The following RBM34 variants were observed in gnomAD, a reference collection of about 807,000 sequenced individuals.
The protein encoded by RBM34 is RNA-binding protein 34.
Under a neutral mutation model 44.6 loss-of-function variants are expected in RBM34, and 39 were observed. The observed-to-expected ratio is 0.87, with a 90% CI of 0.68 to 1.14. RBM34 has a LOEUF of 1.14. Ranked by LOEUF, RBM34 falls within the 50% of genes most tolerant of loss-of-function variation. The pLI is 0.00. For synonymous variants in RBM34, 194 were observed against 184.0 expected, an observed-to-expected ratio of 1.05 and a Z score of -0.44; for missense variants, 572 against 517.9, an observed-to-expected ratio of 1.10 and a Z score of -1.01.
chr1:235,138,564 C>A (rs1435861984), intron 6 of RBM34, among the ~76,000 whole-genome samples: 8 of 152,156 alleles, frequency 5.3e-5, no homozygotes, highest in African/African-American at 9.7e-5. Context: ...TAGAAGAGTG[C>A]ACAAACTACG....
In RBM34 at chr1:235,131,807, C is replaced by T. The variant is rs753823792; in HGVS notation, c.1199G>A (p.Ser400Asn). The change falls in exon 11 of 11, where the codon AGC becomes AAC. Residue 400 changes from serine (S) to asparagine (N), a missense_variant. Coordinates refer to ENST00000408888, the MANE Select transcript of RBM34 (RefSeq NM_015014.4). ...AACAGCTTTTTCTCCAATAAATAAG[C>T]TTTTAGGATGTCCTTCTGCAGTTTT... Reference protein sequence around the residue: ...TSKTAEGHPKSLFIGEKAVLL... With the variant: ...TSKTAEGHPKNLFIGEKAVLL... 2.5e-6 allele frequency: 4 copies of T among 1,613,960 alleles called. No homozygotes were observed. The African/African-American group carries it at 5.3e-5, about 22-fold the overall frequency.
chr1:235,156,970 T>A (rs1304425333), intron 3 of RBM34, among the ~76,000 whole-genome samples: 2 of 152,134 alleles, frequency 1.3e-5, no homozygotes, highest in East Asian at 1.9e-4. Flanking sequence ...CTATTACTCC[T>A]CCCCTGAGGA....
chr1:235,153,407 G>A (rs1177620616), intron 4 of RBM34, among the ~76,000 whole-genome samples: 1 of 151,056 alleles, frequency 6.6e-6, no homozygotes, highest in Non-Finnish European at 1.5e-5. Flanking sequence ...TTTCACATTG[G>A]TTTAAACCAG....
chr1:235,145,821 TGTC>T (rs1661876346), intron 6 of RBM34, among the ~76,000 whole-genome samples: 1 of 152,144 alleles, frequency 6.6e-6, no homozygotes, highest in Non-Finnish European at 1.5e-5. Context: ...GGGTCTTGCT[TGTC>T]GCTCAGGCTA....
At position 235,134,838 on chromosome 1, in the gene RBM34, G is replaced by A. The variant is rs188372786; in HGVS notation, c.1008+814C>T. On this transcript the variant is annotated intron_variant, in intron 10 of 10. Coordinates refer to ENST00000408888, the MANE Select transcript of RBM34 (RefSeq NM_015014.4). ...CGGCTCACCGCAACCTCTGCCTCCC[G>A]GGTTCAAGCGATTGTCCTGCCTCAG... 2.8e-3 allele frequency among the ~76,000 whole-genome samples: 410 copies of A among 148,904 alleles called. 6 individuals are homozygous for A. The highest frequency in any genetic ancestry group is 0.026 in the Admixed American group (381 of 14,908).
In RBM34 at chr1:235,132,002, A is replaced by C. The variant is rs778209543; in HGVS notation, c.1009-5T>G. 1 of 1,574,860 alleles carries C rather than the reference A, an allele frequency of 6.3e-7. No individual in the cohort carries two copies. The highest frequency in any genetic ancestry group is 1.9e-5 in the Admixed American group (1 of 52,462). ...AAGATGAACAGAATCTGTATTCTGCAAAAGAAAACACAATACATTAATTGC... is the reference window on the plus strand; with the variant it reads ...AAGATGAACAGAATCTGTATTCTGCCAAAGAAAACACAATACATTAATTGC... On this transcript the variant is annotated splice_region_variant and splice_polypyrimidine_tract_variant and intron_variant, in intron 10 of 10. Transcript: ENST00000408888.
chr1:235,158,205 A>C (rs1662533991), intron 3 of RBM34, among the ~76,000 whole-genome samples: 1 of 152,144 alleles, frequency 6.6e-6, no homozygotes, highest in Admixed American at 6.5e-5. Context: ...ACCTGAGGTC[A>C]GGAGTTCAAG....
At position 235,135,663 on chromosome 1, in the gene RBM34, C is replaced by T. The variant is rs776909443; in HGVS notation, c.997G>A (p.Val333Met). Residue 333 changes from valine (V) to methionine (M), a missense_variant, in exon 10 of 11, where the codon GTG becomes ATG. Physicochemically the swap from Val to Met is conservative, Grantham distance 21 (BLOSUM62 1). Transcript: ENST00000408888. The part of the protein sequence containing the change: ...MTGIGKGFGY[V>M]LFENTDSVHL... ...TTAGTCTCCCATACCTCAAAGAGCA[C>T]ATAGCCAAACCCTTTGCCGATGCCT... The T allele has an allele frequency of 3.2e-5, 52 of 1,613,610 alleles. No homozygotes were observed. Among genetic ancestry groups the T allele is most frequent in the Non-Finnish European group, 4.3e-5 (51 of 1,179,604 alleles).
At chr1:235,141,511 G>A (rs1358534915) in intron 6 of RBM34, among the ~76,000 whole-genome samples, 1 of 152,288 alleles carries the variant, frequency 6.6e-6, no homozygotes, top group East Asian at 1.9e-4. Flanking sequence ...CAATCAGCAG[G>A]ATGTGGGTGG....
intron 9 of RBM34, 91 bp downstream of exon 9, chr1:235,135,930 GCTTTAAAATTAGT>G: frequency 2.4e-6 from 3 of 1,258,670 alleles, no homozygotes; most frequent in Non-Finnish European, 3.4e-6. Flanking sequence ...CACATTGCAT[GCTTTAAAATTAGT>G]CTTAAATCAA....
intron 10 of RBM34, among the ~76,000 whole-genome samples, chr1:235,133,561 A>C: frequency 6.6e-6 from 1 of 152,194 alleles, no homozygotes; most frequent in Non-Finnish European, 1.5e-5. Context: ...GAAAAACTGA[A>C]AGGAAATGTA....
rs1389619241 is a variant in RBM34, at chr1:235,160,580, G to T, written c.296C>A (p.Ser99Ter). The T allele has an allele frequency of 1.2e-6, 2 of 1,613,984 alleles. No individual in the cohort carries two copies. Among genetic ancestry groups the T allele is most frequent in the South Asian group, 2.2e-5 (2 of 91,026 alleles). ...TTTCACTTTTTTGGCAGGTTCTTGC[G>T]AAAGTGGTCTTTCAATCTGGGATGT... Reference protein sequence around the residue: ...ESTSQIERPLSQEPAKKVKAK... With the variant: ...ESTSQIERPL Residue 99 changes from serine (S) to a stop codon, truncating the protein, a stop_gained, in exon 3 of 11, where the codon TCG becomes TAG. Coordinates refer to ENST00000408888, the MANE Select transcript of RBM34 (RefSeq NM_015014.4). LOFTEE classifies it high-confidence loss of function.
intron 8 of RBM34, 89 bp downstream of exon 8, chr1:235,137,788 T>C (rs1661488124): frequency 9.8e-7 from 1 of 1,020,192 alleles, no homozygotes; most frequent in South Asian, 1.6e-5. Context: ...CTCACATTGC[T>C]GATTCCAGTC....
intron 6 of RBM34, among the ~76,000 whole-genome samples, chr1:235,146,721 A>G (rs1445895585): frequency 6.6e-6 from 1 of 152,148 alleles, no homozygotes; most frequent in African/African-American, 2.4e-5. Flanking sequence ...CCTGGGATCA[A>G]GCGATTCTCT....
rs543866155 is a variant in RBM34 at position 235,140,921 on chromosome 1, T to C, written c.702-2747A>G. On this transcript the variant is annotated intron_variant, in intron 6 of 10. Transcript: ENST00000408888. ...AGAACTTTTATGTCTAGCTCAGGGA[T>C]TGTAAATACACCAATCAGCACTCTG... is the stretch of plus-strand genomic sequence containing the variant. Among the ~76,000 whole-genome samples the C allele has an allele frequency of 4.7e-4, 71 of 152,264 alleles. 1 individual carries two copies. The highest frequency in any genetic ancestry group is 1.6e-3 in the African/African-American group (68 of 41,536).
chr1:235,148,337 G>T, intron 6 of RBM34, 67 bp downstream of exon 6: 2 of 1,187,590 alleles, frequency 1.7e-6, no homozygotes, highest in South Asian at 1.4e-5. Flanking sequence ...GTTAAGAAAT[G>T]GTCTCACTTT....
chr1:235,152,539 AAG>A, intron 5 of RBM34, 165 bp downstream of exon 5: 1 of 1,361,924 alleles, frequency 7.3e-7, no homozygotes, highest in South Asian at 1.9e-5. Flanking sequence ...TAAAAAGTTC[AAG>A]AGTCAGCAGT....
At chr1:235,132,528 C>T (rs1057087784) in intron 10 of RBM34, among the ~76,000 whole-genome samples, 1 of 152,138 alleles carries the variant, frequency 6.6e-6, no homozygotes. Flanking sequence ...AGAATGGTCT[C>T]GATCTCTTGA....
At chr1:235,145,056 A>G (rs1661845518) in intron 6 of RBM34, among the ~76,000 whole-genome samples, 1 of 152,176 alleles carries the variant, frequency 6.6e-6, no homozygotes, top group East Asian at 1.9e-4. Context: ...AAAATAAATT[A>G]AATAAATAAA....
Sources: allele counts gnomAD v4.1 joint callset (sites outside exome capture counted in the v4.1 genomes callset), GRCh38; gene constraint gnomAD v4.1.1; transcripts MANE v1.5; gene names NCBI Gene and HGNC (gene_info 2026-07-23, HGNC 2026-07-21).